The following SNAP29 variants were observed in gnomAD, a reference collection of about 807,000 sequenced individuals.
SNAP29 encodes synaptosome associated protein 29.
Under a neutral mutation model 27.9 loss-of-function variants are expected in SNAP29, and 13 were observed. The observed-to-expected ratio is 0.47, with a 90% CI of 0.30 to 0.74. The LOEUF is 0.74. Among genes scored for constraint, SNAP29 ranks in the 30% least tolerant of loss-of-function variants. The probability of loss-of-function intolerance (pLI) is 0.06; values close to 1 mark genes in which losing one functional copy is unlikely to be tolerated. For synonymous variants in SNAP29, 119 were observed against 127.1 expected (o/e 0.94, Z 0.43); for missense variants, 368 against 336.5 (o/e 1.09, Z -0.73).
chr22:20,861,890 C>T (rs1416877303), intron 1 of SNAP29, among the ~76,000 whole-genome samples: 1 of 152,166 alleles, frequency 6.6e-6, no homozygotes, highest in Non-Finnish European at 1.5e-5. Flanking sequence ...GCCTTGGCCT[C>T]CCAAAGTGTT....
At position 20,889,605 on chromosome 22, in the gene SNAP29, G is replaced by A. The variant is rs1019292092; in HGVS notation, c.*1769G>A. Reference sequence around the variant, plus strand: ...TACTTCGTGAGGCTTTCAGCAAAAAGGCTGCTTAAAAGCATGAACCCGGGA... The same window carrying A: ...TACTTCGTGAGGCTTTCAGCAAAAAAGCTGCTTAAAAGCATGAACCCGGGA... On this transcript the variant is annotated 3_prime_UTR_variant, in exon 5 of 5. Transcript: ENST00000215730. The A allele has an allele frequency of 6.6e-6, 1 of 152,192 alleles. No homozygotes were observed. The highest frequency in any genetic ancestry group is 2.4e-5 in the African/African-American group (1 of 41,444). 9.4% of individuals were successfully genotyped at this position (152,192 alleles called of 1,614,324 possible). A position where few individuals can be genotyped will look rare whatever the true frequency, so the allele number is the denominator to read the frequency against.
At chr22:20,883,188 T>C (rs1928928509) in intron 3 of SNAP29, among the ~76,000 whole-genome samples, 1 of 152,204 alleles carries the variant, frequency 6.6e-6, no homozygotes, top group African/African-American at 2.4e-5. Flanking sequence ...TGACTCTGTC[T>C]TTCCTGAGCT....
chr22:20,871,089 C>G (rs939465745), intron 2 of SNAP29: 2 of 153,510 alleles, frequency 1.3e-5, no homozygotes, highest in African/African-American at 4.9e-5. Context: ...TAATGGTGCA[C>G]TCCAACCTGG....
At position 20,866,238 on chromosome 22, in the gene SNAP29, C is replaced by T. The variant is rs1601645666; in HGVS notation, c.238-4099C>T. Reference sequence around the variant, plus strand: ...CCTTTGCCCTTGGTGGTTTTTCCTGCACCCTAAGACCCGATTTGTCTCTGA... The same window carrying T: ...CCTTTGCCCTTGGTGGTTTTTCCTGTACCCTAAGACCCGATTTGTCTCTGA... On this transcript the variant is annotated intron_variant, in intron 1 of 4. Transcript: ENST00000215730. Among the ~76,000 whole-genome samples the T allele has an allele frequency of 5.3e-5, 8 of 152,322 alleles. 2 individuals are homozygous for T. Among genetic ancestry groups the T allele is most frequent in the Admixed American group, 4.6e-4 (7 of 15,296 alleles).
chr22:20,882,925 GAT>G (rs1928921338), intron 3 of SNAP29, among the ~76,000 whole-genome samples: 1 of 151,384 alleles, frequency 6.6e-6, no homozygotes, highest in East Asian at 1.9e-4. Context: ...AGCCAAGAAA[GAT>G]AATTTTAAAA....
chr22:20,884,622 GC>G (rs926839422), intron 4 of SNAP29, among the ~76,000 whole-genome samples: 11 of 152,290 alleles, frequency 7.2e-5, no homozygotes, highest in Admixed American at 6.5e-4. Context: ...TTTCCAGGGG[GC>G]TGCCCTGGCC....
intron 1 of SNAP29, among the ~76,000 whole-genome samples, chr22:20,863,895 A>G (rs1928395468): frequency 6.6e-6 from 1 of 151,866 alleles, no homozygotes; most frequent in Non-Finnish European, 1.5e-5. Context: ...TCTGGTCTGC[A>G]TGTGCTTAAT....
intron 2 of SNAP29, among the ~76,000 whole-genome samples, chr22:20,872,969 A>G (rs1234867296): frequency 1.3e-5 from 2 of 150,638 alleles, no homozygotes; most frequent in African/African-American, 4.9e-5. Context: ...AGCTGGGATT[A>G]CAGGCATGTG....
rs1320155758 is a variant in SNAP29, at chr22:20,859,537, G to A, written c.237+190G>A. 6.6e-6 allele frequency: 4 copies of A among 606,464 alleles called. No homozygotes were observed. In the East Asian group the frequency reaches 8.4e-5, roughly 13 times the overall value. 37.6% of individuals were successfully genotyped at this position (606,464 alleles called of 1,614,324 possible). On this transcript the variant is annotated intron_variant, in intron 1 of 4. Transcript: ENST00000215730. ...TATGTGCATCTGGAGTACTTGAAGA[G>A]GGCAGTTTACCCCAGAAATCTTCCT... is the stretch of plus-strand genomic sequence containing the variant.
In SNAP29 at chr22:20,859,268, C is replaced by T. The variant is rs775392128; in HGVS notation, c.158C>T (p.Ala53Val). 1 of 1,608,434 alleles carries T rather than the reference C, an allele frequency of 6.2e-7. No individual in the cohort carries two copies. The highest frequency in any genetic ancestry group is 1.3e-5 in the African/African-American group (1 of 75,032). The change falls in exon 1 of 5, where the codon GCT becomes GTT. Residue 53 changes from alanine (A) to valine (V), a missense_variant. Coordinates refer to ENST00000215730, the MANE Select transcript of SNAP29 (RefSeq NM_004782.4). ...QYLRQEVLRR[A>V]EATAASTSRS... ...TTGCGGCAGGAGGTCCTCCGCAGGG[C>T]TGAGGCCACGGCCGCCAGCACCAGC... is the stretch of plus-strand genomic sequence containing the variant.
At position 20,859,136 on chromosome 22, in the gene SNAP29, A is replaced by C. The variant is rs775931172; in HGVS notation, c.26A>C (p.Asn9Thr). 1 of 1,608,178 alleles carries C rather than the reference A, an allele frequency of 6.2e-7. No individual in the cohort carries two copies. Among genetic ancestry groups the C allele is most frequent in the Non-Finnish European group, 8.5e-7 (1 of 1,178,342 alleles). ...ATGTCAGCTTACCCTAAAAGCTACA[A>C]TCCGTTCGACGACGACGGGGAGGAC... The part of the protein sequence containing the change: MSAYPKSY[N>T]PFDDDGEDEG... Residue 9 changes from asparagine to threonine, a missense_variant, in exon 1 of 5, where the codon AAT becomes ACT. Physicochemically the swap from Asn to Thr is moderately conservative, Grantham distance 65. Transcript: ENST00000215730.
rs1221646272 is a variant in SNAP29, at chr22:20,860,892, C to G, written c.237+1545C>G. The stretch of plus-strand genomic sequence containing the variant: ...GTCTCTACAAAATTTGAAAAATTAG[C>G]CAGGCATGGTGGCACACACATGTGA... On this transcript the variant is annotated intron_variant, in intron 1 of 4. Transcript: ENST00000215730. Among the ~76,000 whole-genome samples the G allele has an allele frequency of 8.0e-3, 1,222 of 152,176 alleles. 17 individuals are homozygous for G. The highest frequency in any genetic ancestry group is 0.028 in the African/African-American group (1,166 of 41,514).
intron 1 of SNAP29, among the ~76,000 whole-genome samples, chr22:20,867,967 C>G (rs1429452186): frequency 6.6e-6 from 1 of 152,132 alleles, no homozygotes; most frequent in Non-Finnish European, 1.5e-5. Context: ...CTCTTCATTC[C>G]CCAGTCCCCA....
chr22:20,866,657 G>A (rs973578369), intron 1 of SNAP29, among the ~76,000 whole-genome samples: 1 of 152,150 alleles, frequency 6.6e-6, no homozygotes, highest in East Asian at 1.9e-4. Flanking sequence ...GTTCCCTGCC[G>A]AGTCCTGTGG....
intron 2 of SNAP29, among the ~76,000 whole-genome samples, chr22:20,872,084 C>T (rs1044453323): frequency 2.6e-5 from 4 of 152,002 alleles, no homozygotes; most frequent in Non-Finnish European, 5.9e-5. Flanking sequence ...TTTCATTTTC[C>T]CCTTATTCAG....
chr22:20,876,021 G>C (rs892269175), intron 2 of SNAP29, among the ~76,000 whole-genome samples: 3 of 151,860 alleles, frequency 2.0e-5, no homozygotes, highest in South Asian at 2.1e-4. Flanking sequence ...ATTAGCCAGG[G>C]GTGATGGTGG....
rs759358535 is a variant in SNAP29, at chr22:20,887,844, C to T, written c.*8C>T. On this transcript the variant is annotated 3_prime_UTR_variant, in exon 5 of 5. Transcript: ENST00000215730. Reference sequence around the variant, plus strand: ...AAAGTTCGACAACTCTGAAGACAGACGGATTTCCACTCTATTGTGATGAAA... The same window carrying T: ...AAAGTTCGACAACTCTGAAGACAGATGGATTTCCACTCTATTGTGATGAAA... 3.8e-5 allele frequency: 61 copies of T among 1,612,334 alleles called. 2 individuals carry two copies. In the Middle Eastern group the frequency reaches 1.8e-3, roughly 48 times the overall value.
At chr22:20,870,847 A>C (rs1426350925) in intron 2 of SNAP29, 6 of 406,092 alleles carry the variant, frequency 1.5e-5, no homozygotes, top group Non-Finnish European at 2.8e-5. Flanking sequence ...GCTTTAAAAA[A>C]TCTTTAGGGC....
rs361854 is a variant in SNAP29, at chr22:20,874,349, CCA to C, written c.434+3862_434+3863del. The stretch of plus-strand genomic sequence containing the variant: ...ACACACACACACACACGAAAATTAG[CCA>C]CACACACACACACACACACACACAC... On this transcript the variant is annotated intron_variant, in intron 2 of 4. Transcript: ENST00000215730. Among the ~76,000 whole-genome samples, 168 of 123,562 alleles carry C rather than the reference CCA, an allele frequency of 1.4e-3. 3 individuals are homozygous for C. Among genetic ancestry groups the C allele is most frequent in the African/African-American group, 2.7e-3 (93 of 33,908 alleles). 81.1% of individuals were successfully genotyped at this position (123,562 alleles called of 152,430 possible). A position where few individuals can be genotyped will look rare whatever the true frequency, so the allele number is the denominator to read the frequency against.
Sources: allele counts gnomAD v4.1 joint callset (sites outside exome capture counted in the v4.1 genomes callset), GRCh38; gene constraint gnomAD v4.1.1; transcripts MANE v1.5; gene names NCBI Gene and HGNC (gene_info 2026-07-23, HGNC 2026-07-21).